The following RALGAPA1 variants were observed in gnomAD, a reference collection of about 807,000 sequenced individuals.
The protein encoded by RALGAPA1 is ral GTPase-activating protein subunit alpha-1.
A neutral mutation model predicts 269.6 loss-of-function variants in RALGAPA1; 52 were observed. That is an observed-to-expected ratio of 0.19 (90% CI 0.15 to 0.24). RALGAPA1 has a LOEUF of 0.24. Among genes scored for constraint, RALGAPA1 ranks in the 10% least tolerant of loss-of-function variants. RALGAPA1 has a pLI of 1.00. For missense variants in RALGAPA1, 1,917 were observed against 3,013.9 expected (o/e 0.64, Z 8.52); for synonymous variants, 817 against 1,008.3 (o/e 0.81, Z 3.60).
chr14:35,689,369 A>G lies in RALGAPA1; in HGVS notation c.3042T>C (p.Ala1014=), dbSNP rs1453429432. ...TAGGTGCGATATTACTCATGAAGAC[A>G]GCTGAGTTTGGTTCTTTCTGAAACT... The part of the protein sequence containing the change: ...NLQFQKEPNS[A]VFMSNIAPNQ... The change falls in exon 18 of 42, where the codon GCT becomes GCC. Residue 1014 remains alanine (A), a synonymous_variant. Coordinates refer to ENST00000680220, the MANE Select transcript of RALGAPA1 (RefSeq NM_001346249.2). 2.4e-6 allele frequency: 3 copies of G among 1,232,196 alleles called. No individual in the cohort carries two copies. Among genetic ancestry groups the G allele is most frequent in the Non-Finnish European group, 3.0e-6 (3 of 988,092 alleles). The allele number at this position is 1,232,196 out of a possible 1,614,324, so 76.3% of individuals were successfully genotyped here.
At chr14:35,548,327 C>G (rs2054642230) in intron 41 of RALGAPA1, among the ~76,000 whole-genome samples, 181 bp downstream of exon 41, 1 of 152,092 alleles carries the variant, frequency 6.6e-6, no homozygotes, top group African/African-American at 2.4e-5. Context: ...GTGTTTCATG[C>G]AGACCTGGGT....
At chr14:35,652,319 T>C (rs567103640) in intron 30 of RALGAPA1, among the ~76,000 whole-genome samples, 84 of 152,130 alleles carry the variant, frequency 5.5e-4, no homozygotes, top group African/African-American at 1.9e-3. Context: ...ACTGTAATCC[T>C]ATCACCTGAA....
rs747059492 is a variant in RALGAPA1 at position 35,738,540 on chromosome 14, T to C, written c.1560A>G (p.Ile520Met). ...NASEEATEQN[I>M]RAGTQAVLQV... ...GCAAAACTGCCTGGGTACCAGCTCGTATGTTTTGTTCTGTGGCTTCTTCAG... is the reference window on the plus strand; with the variant it reads ...GCAAAACTGCCTGGGTACCAGCTCGCATGTTTTGTTCTGTGGCTTCTTCAG... The change falls in exon 12 of 42, where the codon ATA (isoleucine) becomes ATG (methionine). Residue 520 changes from isoleucine to methionine, a missense_variant. By Grantham distance (10) the Ile-to-Met change is conservative. Transcript: ENST00000680220. 5 of 1,608,804 alleles carry C rather than the reference T, an allele frequency of 3.1e-6. No individual in the cohort carries two copies. The South Asian group carries it at 3.4e-5, about 11-fold the overall frequency.
chr14:35,666,746 A>G (rs1245187089), intron 26 of RALGAPA1, among the ~76,000 whole-genome samples: 2 of 152,226 alleles, frequency 1.3e-5, no homozygotes, highest in African/African-American at 4.8e-5. Flanking sequence ...GAAATTAGTC[A>G]TTTCAAATGG....
At chr14:35,683,443 CACT>C (rs2065638420) in intron 21 of RALGAPA1, 1 of 156,340 alleles carries the variant, frequency 6.4e-6, no homozygotes, top group Non-Finnish European at 1.4e-5. Context: ...AAAGACAGTC[CACT>C]ACTTTTAACT....
intron 4 of RALGAPA1, 32 bp from the exon 5 acceptor site, chr14:35,762,785 A>T: frequency 8.0e-7 from 1 of 1,250,510 alleles, no homozygotes; most frequent in Non-Finnish European, 1.2e-6. Context: ...AAATATTCAC[A>T]TCTTATCTAT....
chr14:35,635,754 A>G (rs1191278589), intron 31 of RALGAPA1, among the ~76,000 whole-genome samples, 156 bp from the exon 32 acceptor site: 2 of 152,240 alleles, frequency 1.3e-5, no homozygotes, highest in Non-Finnish European at 2.9e-5. Context: ...TGATTTTAAG[A>G]TATTGTATAT....
At chr14:35,648,806 CAG>C (rs2062633221) in intron 31 of RALGAPA1, among the ~76,000 whole-genome samples, 1 of 151,934 alleles carries the variant, frequency 6.6e-6, no homozygotes, top group Non-Finnish European at 1.5e-5. Context: ...TCAAAAAAAA[CAG>C]TGAATAAAGT....
intron 33 of RALGAPA1, among the ~76,000 whole-genome samples, chr14:35,629,571 T>C (rs1475242438): frequency 2.0e-5 from 3 of 152,162 alleles, no homozygotes; most frequent in Non-Finnish European, 2.9e-5. Context: ...TGGCGCAATC[T>C]TGGCTCACTG....
chr14:35,715,211 T>C (rs1486563677), intron 16 of RALGAPA1, among the ~76,000 whole-genome samples: 1 of 152,184 alleles, frequency 6.6e-6, no homozygotes, highest in Non-Finnish European at 1.5e-5. Context: ...CCTCTCATCC[T>C]GTTCTACAAA....
At chr14:35,745,478 A>C (rs2071978619) in intron 10 of RALGAPA1, among the ~76,000 whole-genome samples, 2 of 151,852 alleles carry the variant, frequency 1.3e-5, no homozygotes, top group Admixed American at 1.3e-4. Context: ...AAAAAGCAGA[A>C]AATCTGGCCG....
intron 16 of RALGAPA1, chr14:35,715,799 T>C (rs2068765788): frequency 1.0e-6 from 1 of 985,244 alleles, no homozygotes; most frequent in Admixed American, 6.1e-5. Flanking sequence ...CAAGTCTCAG[T>C]CTGAATCCCA....
At chr14:35,734,448 G>T (rs1160240971) in intron 12 of RALGAPA1, among the ~76,000 whole-genome samples, 1 of 152,108 alleles carries the variant, frequency 6.6e-6, no homozygotes, top group Non-Finnish European at 1.5e-5. Context: ...AAAACATAAA[G>T]TGGGGAAAGG....
intron 1 of RALGAPA1, among the ~76,000 whole-genome samples, chr14:35,779,788 A>G (rs1178705026): frequency 6.6e-6 from 1 of 152,192 alleles, no homozygotes; most frequent in Non-Finnish European, 1.5e-5. Flanking sequence ...AAGGCATGCT[A>G]ACAAAGTCTG....
chr14:35,561,667 CCTGG>C (rs2056275328), intron 39 of RALGAPA1, among the ~76,000 whole-genome samples: 1 of 151,724 alleles, frequency 6.6e-6, no homozygotes, highest in African/African-American at 2.4e-5. Context: ...TGCCATCATG[CCTGG>C]CTAATTTTTT....
chr14:35,646,262 T>C (rs2062431784), intron 31 of RALGAPA1, among the ~76,000 whole-genome samples: 3 of 152,186 alleles, frequency 2.0e-5, no homozygotes, highest in Admixed American at 2.0e-4. Flanking sequence ...TAGTATAGTC[T>C]CAAAGTATTG....
rs2073082083 is a variant in RALGAPA1 at position 35,755,395 on chromosome 14, C to T, written c.663+1398G>A. On this transcript the variant is annotated intron_variant, in intron 7 of 41. Coordinates refer to ENST00000680220, the MANE Select transcript of RALGAPA1 (RefSeq NM_001346249.2). ...AAGCAAACAAAGATCCAAGAAAATG[C>T]CTAGAGGTGATAAATATATACATTA... Among the ~76,000 whole-genome samples the T allele has an allele frequency of 2.6e-5, 4 of 151,890 alleles. No homozygotes were observed. In the South Asian group the frequency reaches 8.3e-4, roughly 32 times the overall value.
intron 31 of RALGAPA1, 21 bp downstream of exon 31, chr14:35,651,784 A>C: frequency 6.3e-7 from 1 of 1,577,606 alleles, no homozygotes; most frequent in Non-Finnish European, 8.6e-7. Flanking sequence ...CATACTAATC[A>C]TCAAACAAAA....
intron 38 of RALGAPA1, 74 bp from the exon 39 acceptor site, chr14:35,570,818 T>G: frequency 7.3e-7 from 1 of 1,378,732 alleles, no homozygotes; most frequent in South Asian, 1.5e-5. Flanking sequence ...TCAAGACACT[T>G]TGCATCCAAA....
Sources: gnomAD v4.1 joint callset for allele counts (sites outside exome capture counted in the v4.1 genomes callset) on GRCh38, gnomAD v4.1.1 for gene constraint, MANE v1.5 for transcripts, NCBI Gene and HGNC (gene_info 2026-07-23, HGNC 2026-07-21) for gene names.